TCEANC2: variants seen among roughly 807,000 people sequenced by gnomAD.
TCEANC2 encodes the protein transcription elongation factor A N-terminal and central domain containing 2.
A neutral mutation model predicts 22.8 loss-of-function variants in TCEANC2; 20 were observed. The ratio of observed to expected loss-of-function variants is 0.88; its 90% CI spans 0.62 to 1.28. The LOEUF is 1.28. Among genes scored for constraint, TCEANC2 ranks in the 50% most tolerant of loss-of-function variants. The pLI is 0.00. For synonymous variants in TCEANC2, 84 were observed against 95.5 expected (o/e 0.88, Z 0.70); for missense variants, 251 against 249.7 (o/e 1.01, Z -0.03).
chr1:54,105,619 G>A lies in TCEANC2; in HGVS notation c.*9146G>A, dbSNP rs1423469695. ...AGTTTTTGTTAACAATTCTAGAACAGGGGTCAGCAAACTTTTTTTTTTTTT... is the reference window on the plus strand; with the variant it reads ...AGTTTTTGTTAACAATTCTAGAACAAGGGTCAGCAAACTTTTTTTTTTTTT... On this transcript the variant is annotated 3_prime_UTR_variant, in exon 5 of 5. Transcript: ENST00000234827. The A allele has an allele frequency of 6.9e-6, 1 of 145,574 alleles. No individual in the cohort carries two copies. The highest frequency in any genetic ancestry group is 2.7e-5 in the African/African-American group (1 of 37,368). The allele number at this position is 145,574 out of a possible 1,614,324, so 9.0% of individuals were successfully genotyped here. A position where few individuals can be genotyped will look rare whatever the true frequency, so the allele number is the denominator to read the frequency against.
intron 3 of TCEANC2, among the ~76,000 whole-genome samples, chr1:54,072,498 G>C (rs1658075511): frequency 6.6e-6 from 1 of 151,936 alleles, no homozygotes; most frequent in Non-Finnish European, 1.5e-5. Flanking sequence ...CTGGGTTCCA[G>C]CAATTCTCCT....
At chr1:54,055,243 G>C (rs988293147) in intron 2 of TCEANC2, among the ~76,000 whole-genome samples, 1 of 152,142 alleles carries the variant, frequency 6.6e-6, no homozygotes, top group Non-Finnish European at 1.5e-5. Flanking sequence ...TGAGATTACA[G>C]GCATGAGCCA....
intron 2 of TCEANC2, among the ~76,000 whole-genome samples, chr1:54,067,963 C>T (rs748321459): frequency 1.3e-5 from 2 of 152,122 alleles, no homozygotes; most frequent in African/African-American, 2.4e-5. Context: ...TTAAAAGTCT[C>T]CCACTTTACT....
rs1658579488 is a variant in TCEANC2, at chr1:54,097,428, AG to A, written c.*957del. 1 of 152,184 alleles carries A rather than the reference AG, an allele frequency of 6.6e-6. No homozygotes were observed. The allele number at this position is 152,184 out of a possible 1,614,324, so 9.4% of individuals were successfully genotyped here. A position where few individuals can be genotyped will look rare whatever the true frequency, so the allele number is the denominator to read the frequency against. On this transcript the variant is annotated 3_prime_UTR_variant, in exon 5 of 5. Transcript: ENST00000234827. ...GGATTTGAGGAATGTAGAAGACTCAAGGAAGTGGGGATTAGATTAGGGGAGA... is the reference window on the plus strand; with the variant it reads ...GGATTTGAGGAATGTAGAAGACTCAAGAAGTGGGGATTAGATTAGGGGAGA...
At chr1:54,075,053 G>C (rs1658123189) in intron 3 of TCEANC2, among the ~76,000 whole-genome samples, 1 of 152,176 alleles carries the variant, frequency 6.6e-6, no homozygotes, top group African/African-American at 2.4e-5. Context: ...CCAAGATGAG[G>C]ATTAGCAAGA....
At chr1:54,082,587 TG>T (rs1222181652) in intron 3 of TCEANC2, among the ~76,000 whole-genome samples, 1 of 152,044 alleles carries the variant, frequency 6.6e-6, no homozygotes, top group East Asian at 1.9e-4. Flanking sequence ...GCAGAGGGAA[TG>T]GTATGAGCTA....
chr1:54,104,789 G>A lies in TCEANC2; in HGVS notation c.*8316G>A. The A allele has an allele frequency of 2.4e-6, 1 of 415,860 alleles. No individual in the cohort carries two copies. 25.8% of individuals were successfully genotyped at this position (415,860 alleles called of 1,614,324 possible). A position where few individuals can be genotyped will look rare whatever the true frequency, so the allele number is the denominator to read the frequency against. On this transcript the variant is annotated 3_prime_UTR_variant, in exon 5 of 5. Transcript: ENST00000234827. ...ACTTCTGGCCTCAAGCAGTCCACCT[G>A]CCTCAGCTTCCCAAAGTGCTGGGAT...
At chr1:54,070,298 G>A (rs1658032486) in intron 3 of TCEANC2, among the ~76,000 whole-genome samples, 1 of 152,038 alleles carries the variant, frequency 6.6e-6, no homozygotes, top group Admixed American at 6.6e-5. Flanking sequence ...CCAGTAGAGG[G>A]TACTAGTGAT....
Position 54,068,888 on chromosome 1 carries a change from A to G in TCEANC2, c.235A>G (p.Thr79Ala). 6.3e-7 allele frequency: 1 copy of G among 1,593,982 alleles called. No individual in the cohort carries two copies. ...KIPSREVLKS[T>A]RIGHTVNKMR... is the part of the protein sequence containing the mutation. ...ACCCTCCAGGGAAGTGTTAAAATCA[A>G]CAAGGATAGGTATATTCCTTCTTAA... Residue 79 changes from threonine to alanine, a missense_variant, in exon 3 of 5, where the codon ACA (threonine) becomes GCA (alanine). Physicochemically the swap from Thr to Ala is moderately conservative, Grantham distance 58 (BLOSUM62 0). Coordinates refer to ENST00000234827, the MANE Select transcript of TCEANC2 (RefSeq NM_153035.3).
At chr1:54,083,856 A>G (rs1229071308) in intron 3 of TCEANC2, among the ~76,000 whole-genome samples, 1 of 152,212 alleles carries the variant, frequency 6.6e-6, no homozygotes, top group Non-Finnish European at 1.5e-5. Flanking sequence ...TTCTTTGCAT[A>G]TAAACAAAAA....
rs1204853382 is a variant in TCEANC2, at chr1:54,104,485, ATATCT to A, written c.*8014_*8018del. 1 of 397,316 alleles carries A rather than the reference ATATCT, an allele frequency of 2.5e-6. No individual in the cohort carries two copies. Among genetic ancestry groups the A allele is most frequent in the Non-Finnish European group, 5.1e-6 (1 of 195,998 alleles). The allele number at this position is 397,316 out of a possible 1,614,324, so 24.6% of individuals were successfully genotyped here. A position where few individuals can be genotyped will look rare whatever the true frequency, so the allele number is the denominator to read the frequency against. On this transcript the variant is annotated 3_prime_UTR_variant, in exon 5 of 5. Transcript: ENST00000234827. ...GTTAAGCAATGGAGGGAAGGGAGGT[ATATCT>A]TTGGTACTCAGTTGATTCACGTGGA...
At chr1:54,058,403 G>A (rs1013625385) in intron 2 of TCEANC2, among the ~76,000 whole-genome samples, 1 of 152,050 alleles carries the variant, frequency 6.6e-6, no homozygotes, top group Non-Finnish European at 1.5e-5. Context: ...TTCTTTACAT[G>A]CCTGTGCCCC....
At chr1:54,086,813 G>C (rs138230321) in intron 3 of TCEANC2, among the ~76,000 whole-genome samples, 3 of 152,180 alleles carry the variant, frequency 2.0e-5, no homozygotes, top group Non-Finnish European at 2.9e-5. Context: ...TGGCATTAAG[G>C]GGTACCAAAC....
At position 54,098,720 on chromosome 1, in the gene TCEANC2, C is replaced by T. The variant is rs1369331103; in HGVS notation, c.*2247C>T. 1 of 152,112 alleles carries T rather than the reference C, an allele frequency of 6.6e-6. No homozygotes were observed. The highest frequency in any genetic ancestry group is 2.4e-5 in the African/African-American group (1 of 41,408). 9.4% of individuals were successfully genotyped at this position (152,112 alleles called of 1,614,324 possible). A position where few individuals can be genotyped will look rare whatever the true frequency, so the allele number is the denominator to read the frequency against. On this transcript the variant is annotated 3_prime_UTR_variant, in exon 5 of 5. Coordinates refer to ENST00000234827, the MANE Select transcript of TCEANC2 (RefSeq NM_153035.3). ...AGTTGAGTGACTGGTTGTGGATGTA[C>T]AGTATAAGCATCTAATTCAATCAGG...
intron 3 of TCEANC2, among the ~76,000 whole-genome samples, chr1:54,074,140 T>C (rs1298932947): frequency 1.3e-5 from 2 of 152,200 alleles, no homozygotes; most frequent in Non-Finnish European, 2.9e-5. Context: ...GGAGTCATTA[T>C]CAGCATAGAG....
chr1:54,058,803 C>T (rs1323033078), intron 2 of TCEANC2, among the ~76,000 whole-genome samples: 1 of 152,090 alleles, frequency 6.6e-6, no homozygotes, highest in Non-Finnish European at 1.5e-5. Flanking sequence ...ACTACAGGCA[C>T]ACGCCACCAT....
At chr1:54,064,471 G>A (rs964342565) in intron 2 of TCEANC2, among the ~76,000 whole-genome samples, 8 of 152,104 alleles carry the variant, frequency 5.3e-5, no homozygotes, top group African/African-American at 1.7e-4. Flanking sequence ...GAGGCTTCCC[G>A]TTGGTTACTT....
In TCEANC2 at chr1:54,098,214, A is replaced by C. The variant is rs562688028; in HGVS notation, c.*1741A>C. Reference sequence around the variant, plus strand: ...CTTCTTTCCATTGGCAGTACCAGCAAGCCAGACACTCCAGCTAGGAACTCA... The same window carrying C: ...CTTCTTTCCATTGGCAGTACCAGCACGCCAGACACTCCAGCTAGGAACTCA... On this transcript the variant is annotated 3_prime_UTR_variant, in exon 5 of 5. Transcript: ENST00000234827. The C allele has an allele frequency of 2.0e-5, 3 of 152,522 alleles. No individual in the cohort carries two copies. Among genetic ancestry groups the C allele is most frequent in the Admixed American group, 2.0e-4 (3 of 15,304 alleles). The allele number at this position is 152,522 out of a possible 1,614,324, so 9.4% of individuals were successfully genotyped here.
chr1:54,093,021 C>T (rs1177450875), intron 4 of TCEANC2, among the ~76,000 whole-genome samples: 1 of 152,098 alleles, frequency 6.6e-6, no homozygotes, highest in Non-Finnish European at 1.5e-5. Flanking sequence ...GGAAGCAGAG[C>T]TGTGAGTAGA....
Sources: allele counts gnomAD v4.1 joint callset (sites outside exome capture counted in the v4.1 genomes callset), GRCh38; gene constraint gnomAD v4.1.1; transcripts MANE v1.5; gene names NCBI Gene and HGNC (gene_info 2026-07-23, HGNC 2026-07-21).